KANSL1: variants seen among roughly 807,000 people sequenced by gnomAD.
KANSL1 encodes MLL1/MLL complex subunit KANSL1.
A neutral mutation model predicts 103.6 loss-of-function variants in KANSL1; 22 were observed. The observed-to-expected ratio is 0.21, with a 90% CI of 0.15 to 0.30. KANSL1 has a LOEUF of 0.30. Ranked by LOEUF, KANSL1 falls within the 10% of genes least tolerant of loss-of-function variation. The pLI, the probability that KANSL1 is intolerant of heterozygous loss-of-function variation, is 1.00. For missense variants in KANSL1, 1,337 were observed against 1,399.8 expected, an observed-to-expected ratio of 0.96 and a Z score of 0.72; for synonymous variants, 600 against 527.6, an observed-to-expected ratio of 1.14 and a Z score of -1.88.
At chr17:46,181,756 A>G (rs1021322478) in intron 1 of KANSL1, among the ~76,000 whole-genome samples, 1 of 152,126 alleles carries the variant, frequency 6.6e-6, no homozygotes, top group African/African-American at 2.4e-5. Context: ...AATGAGTTCA[A>G]ATTCTTCAAG....
chr17:46,137,709 T>C (rs112277723), intron 2 of KANSL1, among the ~76,000 whole-genome samples: 16,810 of 148,478 alleles, frequency 0.11, no homozygotes, highest in Non-Finnish European at 0.17. Context: ...TAAAAAAAAA[T>C]ACAAAAAATT....
At chr17:46,177,744 G>T (rs1286165444) in intron 1 of KANSL1, among the ~76,000 whole-genome samples, 3 of 151,590 alleles carry the variant, frequency 2.0e-5, no homozygotes, top group African/African-American at 7.3e-5. Flanking sequence ...TTCTTAAAGA[G>T]CCAATAACTA....
chr17:46,062,114 C>A (rs142549088), intron 6 of KANSL1, among the ~76,000 whole-genome samples: 1,323 of 36,520 alleles, frequency 0.036, 26 homozygotes, highest in South Asian at 0.1. Context: ...AAAAAACAAA[C>A]AAACAAAAAA....
chr17:46,208,426 A>G (rs953873591), intron 1 of KANSL1, among the ~76,000 whole-genome samples: 2 of 152,100 alleles, frequency 1.3e-5, no homozygotes, highest in African/African-American at 4.8e-5. Flanking sequence ...AGCCTGGGCA[A>G]CATGGCAAGA....
intron 2 of KANSL1, among the ~76,000 whole-genome samples, chr17:46,141,498 C>T (rs1183776175): frequency 6.6e-6 from 1 of 152,240 alleles, no homozygotes; most frequent in Non-Finnish European, 1.5e-5. Context: ...CAATACTTTA[C>T]ATTTATTTAC....
At chr17:46,100,463 C>G (rs940330298) in intron 2 of KANSL1, among the ~76,000 whole-genome samples, 1 of 133,742 alleles carries the variant, frequency 7.5e-6, no homozygotes, top group Non-Finnish European at 1.7e-5. Flanking sequence ...AAAAAAAAAG[C>G]GCCCTCTATA....
chr17:46,171,259 C>G lies in KANSL1; in HGVS notation c.885G>C (p.Glu295Asp), dbSNP rs773458599. The G allele has an allele frequency of 6.2e-7, 1 of 1,614,148 alleles. No individual in the cohort carries two copies. The highest frequency in any genetic ancestry group is 8.5e-7 in the Non-Finnish European group (1 of 1,180,056). The change falls in exon 2 of 15, where the codon GAG (glutamate) becomes GAC (aspartate). Residue 295 changes from glutamate (E) to aspartate (D), a missense_variant. Physicochemically the swap from Glu to Asp is conservative, Grantham distance 45. This residue lies in a region of KANSL1 where 557 missense variants were observed against 476.4 expected (regional missense o/e 1.17). Coordinates refer to ENST00000432791, the MANE Select transcript of KANSL1 (RefSeq NM_015443.4). ...TALLRRQADI[E>D]SRARRLQKRL... ...GCTTTTGTAATCTGCGGGCACGGCT[C>G]TCAATGTCAGCCTGTCGCCGCAGTA...
chr17:46,117,611 G>A (rs1033554904), intron 2 of KANSL1, among the ~76,000 whole-genome samples: 2 of 152,172 alleles, frequency 1.3e-5, no homozygotes, highest in Non-Finnish European at 2.9e-5. Context: ...GATTTTCAGA[G>A]AGTCTATCTA....
intron 2 of KANSL1, among the ~76,000 whole-genome samples, chr17:46,164,731 G>A (rs1198350283): frequency 2.0e-5 from 3 of 152,244 alleles, no homozygotes; most frequent in Non-Finnish European, 4.4e-5. Flanking sequence ...AAATGGTGAT[G>A]AGAATAGTTT....
At chr17:46,225,329 C>T (rs2057468216), upstream of KANSL1, 1 of 152,694 alleles carries the variant, frequency 6.5e-6, no homozygotes, top group Admixed American at 6.5e-5. Flanking sequence ...GCTCCCCCAG[C>T]CCCGGACCTA....
At chr17:46,170,763 A>T (rs2046241100) in intron 2 of KANSL1, 92 bp downstream of exon 2, 7 of 1,372,268 alleles carry the variant, frequency 5.1e-6, no homozygotes, top group Non-Finnish European at 6.9e-6. Context: ...ACCTATGTAC[A>T]AAGAATCACA....
rs1015736228 is a variant in KANSL1, at chr17:46,124,751, T to C, written c.1290-30050A>G. 4.6e-5 allele frequency among the ~76,000 whole-genome samples: 7 copies of C among 151,934 alleles called. No individual in the cohort carries two copies. In the South Asian group the frequency reaches 6.2e-4, roughly 13 times the overall value. On this transcript the variant is annotated intron_variant, in intron 2 of 14. Coordinates refer to ENST00000432791, the MANE Select transcript of KANSL1 (RefSeq NM_015443.4). ...ATGGATAATCGAGAGGTTCAAGACA[T>C]TGCTCGAAAAAGTAACTGCAGATGT...
chr17:46,105,572 G>A (rs938159535), intron 2 of KANSL1, among the ~76,000 whole-genome samples: 2 of 151,976 alleles, frequency 1.3e-5, no homozygotes, highest in Non-Finnish European at 2.9e-5. Context: ...GTGAGATCAC[G>A]CCATTGCACT....
intron 1 of KANSL1, among the ~76,000 whole-genome samples, chr17:46,176,360 A>G (rs1013411477): frequency 6.6e-6 from 1 of 152,260 alleles, no homozygotes; most frequent in Non-Finnish European, 1.5e-5. Flanking sequence ...TCAATTCTTT[A>G]AAGCTTACAA....
rs1464168741 is a variant in KANSL1, at chr17:46,039,756, C to T, written c.2149G>A (p.Asp717Asn). The T allele has an allele frequency of 1.2e-6, 2 of 1,614,190 alleles. No homozygotes were observed. Among genetic ancestry groups the T allele is most frequent in the South Asian group, 2.2e-5 (2 of 91,088 alleles). The change falls in exon 8 of 15, where the codon GAT (aspartate) becomes AAT (asparagine). Residue 717 changes from aspartate (D) to asparagine (N), a missense_variant. Coordinates refer to ENST00000432791, the MANE Select transcript of KANSL1 (RefSeq NM_015443.4). ...HRAPMPGSLP[D>N]SARKDRHKLV... ...TTGTGCCTGTCCTTACGAGCTGAAT[C>T]TGGCAGACTGCCCGGCATGGGTGCT...
intron 3 of KANSL1, among the ~76,000 whole-genome samples, chr17:46,091,539 A>G (rs2079388418): frequency 6.6e-6 from 1 of 152,222 alleles, no homozygotes; most frequent in Non-Finnish European, 1.5e-5. Flanking sequence ...CGACTCACCC[A>G]GAGCAACTTC....
chr17:46,202,285 C>T (rs1379874785), intron 1 of KANSL1, among the ~76,000 whole-genome samples: 4 of 152,180 alleles, frequency 2.6e-5, no homozygotes, highest in East Asian at 1.9e-4. Context: ...CAAGATAGTA[C>T]ATTATGTACA....
chr17:46,211,090 A>G (rs1421324656), intron 1 of KANSL1, among the ~76,000 whole-genome samples: 1 of 152,232 alleles, frequency 6.6e-6, no homozygotes, highest in Non-Finnish European at 1.5e-5. Flanking sequence ...GGTATGTTAC[A>G]GCATGGACAA....
At position 46,171,302 on chromosome 17, in the gene KANSL1, T is replaced by C; in HGVS notation, c.842A>G (p.Asp281Gly). Reference sequence around the variant, plus strand: ...CCGCAGTAAAGCTGTTATCCTTGTGTCAGAATCTAAAGCACTGAAAAGAAT... The same window carrying C: ...CCGCAGTAAAGCTGTTATCCTTGTGCCAGAATCTAAAGCACTGAAAAGAAT... ...SSILFSALDS[D>G]TRITALLRRQ... is the part of the protein sequence containing the mutation. The change falls in exon 2 of 15, where the codon GAC (aspartate) becomes GGC (glycine). Residue 281 changes from aspartate (D) to glycine (G), a missense_variant. Physicochemically the swap from Asp to Gly is moderately conservative, Grantham distance 94. Around this residue, in one of 2 missense-constraint regions of KANSL1, gnomAD observed 557 missense variants for 476.4 expected, o/e 1.17. Transcript: ENST00000432791. 6.2e-7 allele frequency: 1 copy of C among 1,614,152 alleles called. No individual in the cohort carries two copies. The highest frequency in any genetic ancestry group is 8.5e-7 in the Non-Finnish European group (1 of 1,180,048).
Sources: gnomAD v4.1 joint callset for allele counts (sites outside exome capture counted in the v4.1 genomes callset) on GRCh38, gnomAD v4.1.1 for gene constraint, gnomAD v4.1.1 regional missense constraint, MANE v1.5 for transcripts, NCBI Gene and HGNC (gene_info 2026-07-23, HGNC 2026-07-21) for gene names.